Variants in RAPGEF5 observed in about 807,000 individuals in gnomAD.
RAPGEF5 encodes the protein Rap guanine nucleotide exchange factor 5.
RAPGEF5 carries 65 observed loss-of-function variants against 125.2 expected under a neutral mutation model. That is an observed-to-expected ratio of 0.52 (90% confidence interval 0.43 to 0.64). The LOEUF (loss-of-function observed/expected upper bound fraction) is 0.64. Ranked by LOEUF, RAPGEF5 falls within the 30% of genes least tolerant of loss-of-function variation. RAPGEF5 has a pLI of 0.00. For missense variants in RAPGEF5, 958 were observed against 1,048.1 expected (o/e 0.91, Z 1.19); for synonymous variants, 391 against 385.9 (o/e 1.01, Z -0.16).
intron 5 of RAPGEF5, among the ~76,000 whole-genome samples, chr7:22,294,733 G>A (rs1010089917): frequency 6.6e-6 from 1 of 151,984 alleles, no homozygotes; most frequent in Non-Finnish European, 1.5e-5. Context: ...ACCTGACCAC[G>A]TCTCACCACC....
At position 22,220,120 on chromosome 7, in the gene RAPGEF5, A is replaced by G. The variant is rs550847202; in HGVS notation, c.871-129T>C. 90 of 1,252,564 alleles carry G rather than the reference A, an allele frequency of 7.2e-5. 3 individuals are homozygous for G. The South Asian group carries it at 1.3e-3, about 18-fold the overall frequency. 77.6% of individuals were successfully genotyped at this position (1,252,564 alleles called of 1,614,324 possible). ...TGGATTAAATCATGGTCTTGGTAAA[A>G]TATTTTGCCTTTCAAAAATTGAAGT... On this transcript the variant is annotated intron_variant, in intron 8 of 25. Coordinates refer to ENST00000665637, the MANE Select transcript of RAPGEF5 (RefSeq NM_012294.5).
At chr7:22,219,836 A>G in intron 9 of RAPGEF5, 30 bp downstream of exon 9, 5 of 1,569,694 alleles carry the variant, frequency 3.2e-6, no homozygotes, top group Non-Finnish European at 4.3e-6. Flanking sequence ...ACCCCTTCAA[A>G]CCTGCATCCC....
chr7:22,224,441 C>T lies in RAPGEF5; in HGVS notation c.871-4450G>A, dbSNP rs1051728855. Among the ~76,000 whole-genome samples, 3 of 152,138 alleles carry T rather than the reference C, an allele frequency of 2.0e-5. 1 individual carries two copies. The highest frequency in any genetic ancestry group is 7.2e-5 in the African/African-American group (3 of 41,420). On this transcript the variant is annotated intron_variant, in intron 8 of 25. Coordinates refer to ENST00000665637, the MANE Select transcript of RAPGEF5 (RefSeq NM_012294.5). Reference sequence around the variant, plus strand: ...TAGAAAATTCATGTACGTCAACCAGCGAGGATTTCTTCTCTCTCTTTCCAT... The same window carrying T: ...TAGAAAATTCATGTACGTCAACCAGTGAGGATTTCTTCTCTCTCTTTCCAT...
chr7:22,237,987 A>T (rs1434834780), intron 7 of RAPGEF5, among the ~76,000 whole-genome samples: 1 of 152,212 alleles, frequency 6.6e-6, no homozygotes, highest in African/African-American at 2.4e-5. Context: ...TAGGTAAATG[A>T]GAAAAGGGGA....
At position 22,356,961 on chromosome 7, in the gene RAPGEF5, G is replaced by T; in HGVS notation, c.100C>A (p.Arg34Ser). 9.6e-7 allele frequency: 1 copy of T among 1,036,294 alleles called. No homozygotes were observed. The highest frequency in any genetic ancestry group is 4.4e-5 in the South Asian group (1 of 22,604). The allele number at this position is 1,036,294 out of a possible 1,614,324, so 64.2% of individuals were successfully genotyped here. ...AVVAADGPLRRSPSAREPERE... is the reference protein window; with the variant it reads ...AVVAADGPLRSSPSAREPERE... ...TCGGGCTCCCGGGCGCTGGGGCTGC[G>T]GCGCAGGGGGCCGTCTGCCGCCACC... Residue 34 changes from arginine to serine, a missense_variant, in exon 1 of 26, where the codon CGC becomes AGC. By Grantham distance (110) the Arg-to-Ser change is moderately radical. Transcript: ENST00000665637.
At chr7:22,305,968 G>C (rs993448688) in intron 5 of RAPGEF5, among the ~76,000 whole-genome samples, 2 of 152,148 alleles carry the variant, frequency 1.3e-5, no homozygotes, top group African/African-American at 4.8e-5. Flanking sequence ...TAGACACAGA[G>C]GTTGCTTCCA....
chr7:22,129,443 A>G (rs1268110235), intron 24 of RAPGEF5, among the ~76,000 whole-genome samples: 2 of 151,998 alleles, frequency 1.3e-5, no homozygotes, highest in Non-Finnish European at 2.9e-5. Flanking sequence ...TCTTAGGGAG[A>G]TGTGTTGGCC....
rs192924483 is a variant in RAPGEF5 at position 22,308,527 on chromosome 7, T to C, written c.512-20A>G. The C allele has an allele frequency of 2.7e-4, 401 of 1,461,582 alleles. 1 individual carries two copies. Among genetic ancestry groups the C allele is most frequent in the Non-Finnish European group, 9.5e-5 (104 of 1,090,856 alleles). 90.5% of individuals were successfully genotyped at this position (1,461,582 alleles called of 1,614,324 possible). On this transcript the variant is annotated intron_variant, in intron 4 of 25. Coordinates refer to ENST00000665637, the MANE Select transcript of RAPGEF5 (RefSeq NM_012294.5). ...GGTCCACTGTTTGAAACAAAAAATA[T>C]ATAGATCAATTTTTTAAAAGATATT...
intron 20 of RAPGEF5, 89 bp downstream of exon 20, chr7:22,144,955 C>T (rs1783384566): frequency 1.4e-6 from 2 of 1,430,002 alleles, no homozygotes; most frequent in Non-Finnish European, 1.9e-6. Flanking sequence ...TATATCCCAA[C>T]CCTTATCATC....
At chr7:22,222,572 G>C (rs112853484) in intron 8 of RAPGEF5, among the ~76,000 whole-genome samples, 3,256 of 152,252 alleles carry the variant, frequency 0.021, 107 homozygotes, top group African/African-American at 0.074. Context: ...GAGCAGCAGG[G>C]CTAGAAAAGA....
intron 17 of RAPGEF5, 105 bp downstream of exon 17, chr7:22,154,350 G>A: frequency 2.3e-6 from 3 of 1,300,636 alleles, no homozygotes; most frequent in Middle Eastern, 5.2e-4. Context: ...TCCAGCTGCG[G>A]GCCCAGAAGG....
intron 11 of RAPGEF5, among the ~76,000 whole-genome samples, chr7:22,181,339 G>A (rs1326097353): frequency 6.6e-6 from 1 of 152,174 alleles, no homozygotes; most frequent in African/African-American, 2.4e-5. Flanking sequence ...AATAGCAGAA[G>A]CTTACATATA....
chr7:22,319,497 G>C (rs1421227392), intron 1 of RAPGEF5, among the ~76,000 whole-genome samples: 1 of 152,160 alleles, frequency 6.6e-6, no homozygotes, highest in Admixed American at 6.5e-5. Flanking sequence ...TGTGTAGCTT[G>C]ATTCAAAGAA....
chr7:22,180,727 T>C (rs1784648171), intron 11 of RAPGEF5, among the ~76,000 whole-genome samples: 1 of 152,172 alleles, frequency 6.6e-6, no homozygotes, highest in Admixed American at 6.6e-5. Context: ...TGGTTCTCAA[T>C]TTTCTCAATT....
chr7:22,212,099 G>A (rs1038079376), intron 9 of RAPGEF5, among the ~76,000 whole-genome samples: 71 of 151,030 alleles, frequency 4.7e-4, no homozygotes, highest in African/African-American at 1.4e-3. Flanking sequence ...TCAGCCTCCC[G>A]AGTAGCTGGG....
intron 11 of RAPGEF5, among the ~76,000 whole-genome samples, chr7:22,185,031 G>A (rs1010849254): frequency 3.3e-5 from 5 of 152,194 alleles, no homozygotes; most frequent in African/African-American, 1.2e-4. Context: ...TTGTGCTGGA[G>A]ATTAGAACGC....
At chr7:22,141,426 T>C (rs917382498) in intron 20 of RAPGEF5, among the ~76,000 whole-genome samples, 45 of 152,302 alleles carry the variant, frequency 3.0e-4, no homozygotes, top group Admixed American at 2.6e-3. Flanking sequence ...TAGTTCAGAA[T>C]CAGGAGAATA....
chr7:22,132,042 GAACC>G (rs1272414581), intron 23 of RAPGEF5, among the ~76,000 whole-genome samples: 5 of 152,080 alleles, frequency 3.3e-5, no homozygotes, highest in African/African-American at 1.2e-4. Flanking sequence ...CATATATGGA[GAACC>G]AACCAAATAA....
At chr7:22,312,211 C>T (rs185498315) in intron 3 of RAPGEF5, among the ~76,000 whole-genome samples, 267 of 151,560 alleles carry the variant, frequency 1.8e-3, no homozygotes, top group Non-Finnish European at 2.8e-3. Flanking sequence ...ATTCCACATT[C>T]CTTTTTTTTT....
Sources: gnomAD v4.1 joint callset for allele counts (sites outside exome capture counted in the v4.1 genomes callset) on GRCh38, gnomAD v4.1.1 for gene constraint, MANE v1.5 for transcripts, NCBI Gene and HGNC (gene_info 2026-07-23, HGNC 2026-07-21) for gene names.